The following PCCA variants were observed in gnomAD, a reference collection of about 807,000 sequenced individuals.
PCCA encodes the protein propionyl-CoA carboxylase alpha chain, mitochondrial.
In PCCA, 74 loss-of-function variants were observed where a neutral mutation model predicts 101.3. The observed-to-expected ratio is 0.73, with a 90% confidence interval of 0.61 to 0.89. The LOEUF is 0.89. Among genes scored for constraint, PCCA ranks in the 40% least tolerant of loss-of-function variants. The pLI is 0.00. For missense variants in PCCA, 891 were observed against 907.0 expected, an observed-to-expected ratio of 0.98 and a Z score of 0.23; for synonymous variants, 294 against 313.6, an observed-to-expected ratio of 0.94 and a Z score of 0.66.
chr13:100,209,594 A>C, intron 7 of PCCA, 131 bp downstream of exon 7: 2 of 700,830 alleles, frequency 2.9e-6, no homozygotes, highest in Non-Finnish European at 5.1e-6. Context: ...GCACATACAT[A>C]CATGTATATA....
At chr13:100,485,640 A>T in intron 21 of PCCA, among the ~76,000 whole-genome samples, 1 of 152,340 alleles carries the variant, frequency 6.6e-6, no homozygotes, top group East Asian at 1.9e-4. Flanking sequence ...GGGTATATGT[A>T]TACAGAGACC....
chr13:100,487,182 A>G (rs2084448262), intron 21 of PCCA, among the ~76,000 whole-genome samples: 1 of 152,244 alleles, frequency 6.6e-6, no homozygotes, highest in South Asian at 2.1e-4. Flanking sequence ...CAGCAGTATT[A>G]CTGATAACTC....
intron 6 of PCCA, among the ~76,000 whole-genome samples, chr13:100,167,829 C>T (rs1202363872): frequency 1.3e-5 from 2 of 152,010 alleles, no homozygotes; most frequent in Non-Finnish European, 2.9e-5. Flanking sequence ...CATACATGTG[C>T]GATCTCGGCT....
At chr13:100,287,291 AT>A (rs572273832) in intron 12 of PCCA, among the ~76,000 whole-genome samples, 3 of 151,788 alleles carry the variant, frequency 2.0e-5, no homozygotes, top group Non-Finnish European at 4.4e-5. Flanking sequence ...CATTACTTTT[AT>A]TTTTCATATG....
chr13:100,309,792 A>AATATAT (rs146754385), intron 15 of PCCA, 41 bp from the exon 16 acceptor site: 21 of 1,187,726 alleles, frequency 1.8e-5, no homozygotes, highest in Middle Eastern at 2.4e-4. Context: ...CATAGTTCTA[A>AATATAT]ATATATATAT....
At chr13:100,120,988 T>C (rs988480103) in intron 4 of PCCA, among the ~76,000 whole-genome samples, 1 of 152,216 alleles carries the variant, frequency 6.6e-6, no homozygotes, top group Non-Finnish European at 1.5e-5. Flanking sequence ...CAGCAATGTT[T>C]TGTAGTTTCA....
intron 19 of PCCA, among the ~76,000 whole-genome samples, chr13:100,418,856 GA>G (rs1370021930): frequency 1.3e-5 from 2 of 149,990 alleles, no homozygotes; most frequent in Non-Finnish European, 3.0e-5. Flanking sequence ...GAAAAAAGAA[GA>G]AAAAAAAGGA....
chr13:100,295,294 A>G (rs2065443079), intron 12 of PCCA, among the ~76,000 whole-genome samples: 1 of 152,202 alleles, frequency 6.6e-6, no homozygotes, highest in East Asian at 1.9e-4. Flanking sequence ...ACAGAGGCCT[A>G]TTATGCCAAA....
chr13:100,240,926 A>T (rs1378404974), intron 8 of PCCA, among the ~76,000 whole-genome samples: 1 of 148,432 alleles, frequency 6.7e-6, no homozygotes, highest in Non-Finnish European at 1.5e-5. Context: ...GTGGATTTTG[A>T]CATATGCATA....
chr13:100,508,349 A>G (rs746714086), intron 21 of PCCA, among the ~76,000 whole-genome samples: 9 of 152,244 alleles, frequency 5.9e-5, no homozygotes, highest in Non-Finnish European at 1.2e-4. Context: ...TTCCCTCGAA[A>G]AATGAGATTG....
intron 7 of PCCA, among the ~76,000 whole-genome samples, chr13:100,235,271 T>A (rs1393837400): frequency 7.0e-6 from 1 of 142,988 alleles, no homozygotes; most frequent in Admixed American, 7.0e-5. Flanking sequence ...AGATAAAATA[T>A]GTACCTGAAA....
intron 20 of PCCA, among the ~76,000 whole-genome samples, chr13:100,442,623 G>A (rs140396577): frequency 1.9e-4 from 29 of 152,310 alleles, no homozygotes; most frequent in African/African-American, 6.5e-4. Flanking sequence ...TCTAGACTCT[G>A]CAGATAGAAC....
chr13:100,171,035 A>AGAG (rs1028268783), intron 6 of PCCA, among the ~76,000 whole-genome samples: 6 of 152,214 alleles, frequency 3.9e-5, no homozygotes, highest in Non-Finnish European at 8.8e-5. Flanking sequence ...ATTGTGCAGT[A>AGAG]GAGTTTTCCA....
At chr13:100,225,448 G>A (rs1170799535) in intron 7 of PCCA, among the ~76,000 whole-genome samples, 2 of 152,146 alleles carry the variant, frequency 1.3e-5, no homozygotes, top group Non-Finnish European at 2.9e-5. Context: ...TTGTAAATTA[G>A]GCAGTGTAGA....
chr13:100,180,440 A>T (rs1157093230), intron 6 of PCCA, among the ~76,000 whole-genome samples: 1 of 152,102 alleles, frequency 6.6e-6, no homozygotes, highest in African/African-American at 2.4e-5. Context: ...TAATACCAAG[A>T]TCCAAGATTC....
At chr13:100,418,223 A>ACCTT (rs2078507047) in intron 19 of PCCA, among the ~76,000 whole-genome samples, 1 of 152,106 alleles carries the variant, frequency 6.6e-6, no homozygotes, top group African/African-American at 2.4e-5. Context: ...CTCTGCCTCC[A>ACCTT]CCTTCCCTAT....
intron 18 of PCCA, among the ~76,000 whole-genome samples, chr13:100,364,526 TTA>T (rs2074973829): frequency 6.6e-6 from 1 of 152,246 alleles, no homozygotes; most frequent in Non-Finnish European, 1.5e-5. Context: ...CAGAGCATAT[TTA>T]TATCTGCCAG....
intron 6 of PCCA, among the ~76,000 whole-genome samples, chr13:100,179,323 G>T (rs536728148): frequency 6.6e-6 from 1 of 152,008 alleles, no homozygotes; most frequent in South Asian, 2.1e-4. Context: ...CACCCTTCAT[G>T]CCTGCTGGGT....
At chr13:100,484,717 T>C (rs2084232312) in intron 21 of PCCA, among the ~76,000 whole-genome samples, 1 of 152,248 alleles carries the variant, frequency 6.6e-6, no homozygotes, top group African/African-American at 2.4e-5. Context: ...AATGGAGCTC[T>C]GAAAGAAACC....
Sources: allele counts gnomAD v4.1 joint callset (sites outside exome capture counted in the v4.1 genomes callset), GRCh38; gene constraint gnomAD v4.1.1; transcripts MANE v1.5; gene names NCBI Gene and HGNC (gene_info 2026-07-23, HGNC 2026-07-21).